The following UNC79 variants were observed in gnomAD, a reference collection of about 807,000 sequenced individuals.
The protein encoded by UNC79 is protein unc-79 homolog.
A neutral mutation model predicts 283.1 loss-of-function variants in UNC79; 37 were observed. The observed-to-expected ratio is 0.13, with a 90% CI of 0.10 to 0.17. The LOEUF is 0.17. Among genes scored for constraint, UNC79 ranks in the 10% least tolerant of loss-of-function variants. The pLI, the probability that UNC79 is intolerant of heterozygous loss-of-function variation, is 1.00. For missense variants in UNC79, 2,272 were observed against 3,211.1 expected (o/e 0.71, Z 7.07); for synonymous variants, 1,107 against 1,200.2 (o/e 0.92, Z 1.61).
chr14:93,347,372 G>A (rs2053873998), intron 1 of UNC79: 2 of 1,538,082 alleles, frequency 1.3e-6, no homozygotes, highest in South Asian at 2.3e-5. Context: ...GGGCCCCCGC[G>A]CCAGCGGCCC....
chr14:93,382,122 C>T (rs1195486418), intron 1 of UNC79, among the ~76,000 whole-genome samples: 1 of 152,156 alleles, frequency 6.6e-6, no homozygotes, highest in Non-Finnish European at 1.5e-5. Flanking sequence ...TATTTATCTT[C>T]TGGTTCCTAA....
chr14:93,474,263 T>C lies in UNC79; in HGVS notation c.318T>C (p.Ala106=). 1.3e-6 allele frequency: 2 copies of C among 1,536,030 alleles called. No homozygotes were observed. The stretch of plus-strand genomic sequence containing the variant: ...TCCTTTACAGCGTCCTGCGAGATGC[T>C]CCCTCAGAACGCGGCCCGCAAAGTC... Residue 106 remains alanine, a synonymous_variant, in exon 3 of 49, where the codon GCT becomes GCC. Transcript: ENST00000555664. This position sits in a 1 kb window ranked among gnomAD's most constrained non-coding sequence, Gnocchi z 4.1.
intron 33 of UNC79, among the ~76,000 whole-genome samples, chr14:93,643,214 A>G (rs931155373): frequency 3.9e-5 from 6 of 152,256 alleles, no homozygotes; most frequent in Admixed American, 1.3e-4. Flanking sequence ...CTCAGCAATA[A>G]TGTCAAATGC....
chr14:93,600,801 G>T (rs747718859), intron 25 of UNC79, 31 bp downstream of exon 25: 1 of 1,602,540 alleles, frequency 6.2e-7, no homozygotes, highest in Non-Finnish European at 8.5e-7. Flanking sequence ...GCTGTAAACC[G>T]TTGCAGTTCC....
At chr14:93,456,000 ACT>A (rs982428643) in intron 1 of UNC79, among the ~76,000 whole-genome samples, 14 of 151,244 alleles carry the variant, frequency 9.3e-5, no homozygotes, top group South Asian at 4.2e-4. Flanking sequence ...GGTTCAGGTG[ACT>A]CTTGTAGGAG....
chr14:93,420,567 A>G (rs924470990), intron 1 of UNC79, among the ~76,000 whole-genome samples: 1 of 151,836 alleles, frequency 6.6e-6, no homozygotes, highest in African/African-American at 2.4e-5. Context: ...GAAAATTAAC[A>G]AAGAAACACT....
chr14:93,447,290 G>T, intron 1 of UNC79, among the ~76,000 whole-genome samples: 1 of 151,382 alleles, frequency 6.6e-6, no homozygotes, highest in African/African-American at 2.4e-5. Context: ...ATTCTTTTTT[G>T]CATTTTTAAA....
rs142012218 is a variant in UNC79, at chr14:93,496,019, A to G, written c.713-392A>G. 3.9e-3 allele frequency among the ~76,000 whole-genome samples: 588 copies of G among 152,350 alleles called. 2 individuals carry two copies. Among genetic ancestry groups the G allele is most frequent in the African/African-American group, 0.014 (563 of 41,592 alleles). On this transcript the variant is annotated intron_variant, in intron 5 of 48. Coordinates refer to ENST00000555664, the Ensembl canonical transcript of UNC79. ...CACCATAGCAATTGTGAGATAATAC[A>G]TATAAAGCTCTTTCTACGGTATCTA...
At chr14:93,455,829 A>G (rs2056780587) in intron 1 of UNC79, among the ~76,000 whole-genome samples, 1 of 152,118 alleles carries the variant, frequency 6.6e-6, no homozygotes, top group Non-Finnish European at 1.5e-5. Flanking sequence ...CATAGTAAAT[A>G]GAAGAGCCAG....
At chr14:93,526,227 G>A (rs2060540807) in intron 8 of UNC79, among the ~76,000 whole-genome samples, 1 of 152,002 alleles carries the variant, frequency 6.6e-6, no homozygotes, top group African/African-American at 2.4e-5. Context: ...CTGTGCTGGG[G>A]CCATTTTTGC....
chr14:93,657,287 A>G (rs1017373827), intron 38 of UNC79, among the ~76,000 whole-genome samples: 1 of 152,126 alleles, frequency 6.6e-6, no homozygotes, highest in Admixed American at 6.5e-5. Flanking sequence ...CCCGAGAACC[A>G]ATCAGGGCTT....
chr14:93,384,554 G>T (rs1222621398), intron 1 of UNC79, among the ~76,000 whole-genome samples: 1 of 152,118 alleles, frequency 6.6e-6, no homozygotes, highest in Non-Finnish European at 1.5e-5. Flanking sequence ...ATTATTAGAT[G>T]TTTTTCCTAT....
chr14:93,470,956 A>G (rs1354088047), intron 2 of UNC79, among the ~76,000 whole-genome samples: 1 of 152,134 alleles, frequency 6.6e-6, no homozygotes, highest in Non-Finnish European at 1.5e-5. Flanking sequence ...TCTTCTTCCT[A>G]TGTCAAACAT....
At chr14:93,418,596 T>C (rs961142313) in intron 1 of UNC79, among the ~76,000 whole-genome samples, 1 of 151,736 alleles carries the variant, frequency 6.6e-6, no homozygotes, top group African/African-American at 2.4e-5. Context: ...ACTGCTGTCT[T>C]TTTGTTTGTC....
intron 27 of UNC79, among the ~76,000 whole-genome samples, chr14:93,616,529 G>T (rs980207573): frequency 1.3e-5 from 2 of 151,706 alleles, no homozygotes; most frequent in Non-Finnish European, 2.9e-5. Flanking sequence ...CCACCACACC[G>T]AATTAACTTA....
At chr14:93,620,949 A>G (rs752294251) in intron 29 of UNC79, 10 of 518,846 alleles carry the variant, frequency 1.9e-5, no homozygotes, top group African/African-American at 1.7e-4. Flanking sequence ...GGACCCTGCA[A>G]TAAAGAGTCT....
At chr14:93,646,729 G>T in intron 35 of UNC79, 83 bp downstream of exon 38, 2 of 1,500,522 alleles carry the variant, frequency 1.3e-6, no homozygotes, top group East Asian at 2.3e-5. Context: ...CCAGTGTGGG[G>T]CTGGGTGCAG....
chr14:93,512,362 T>C (rs2059866199), intron 7 of UNC79, among the ~76,000 whole-genome samples: 1 of 151,536 alleles, frequency 6.6e-6, no homozygotes, highest in East Asian at 2.0e-4. Context: ...TCTGCTTGAG[T>C]GTGGTGGTTT....
At chr14:93,673,396 C>T in exon 41 of UNC79, 9 of 1,613,458 alleles carry the variant, frequency 5.6e-6, no homozygotes, top group Non-Finnish European at 7.6e-6. Flanking sequence ...TCTAGAACTT[C>T]TGCAGGCCCT....
Sources: allele counts gnomAD v4.1 joint callset (sites outside exome capture counted in the v4.1 genomes callset), GRCh38; gene constraint gnomAD v4.1.1; non-coding constraint Gnocchi (gnomAD v3.1); transcripts MANE v1.5; gene names NCBI Gene and HGNC (gene_info 2026-07-23, HGNC 2026-07-21).